Variants in CPD observed in about 807,000 individuals in gnomAD.
CPD encodes the protein carboxypeptidase D, also known as metallocarboxypeptidase D.
CPD carries 69 observed loss-of-function variants against 138.3 expected under a neutral mutation model. The ratio of observed to expected loss-of-function variants is 0.50; its 90% CI spans 0.41 to 0.61. CPD has a LOEUF of 0.61. Ranked by LOEUF, CPD falls within the 20% of genes least tolerant of loss-of-function variation. CPD has a pLI of 0.00. For synonymous variants in CPD, 651 were observed against 642.1 expected, an observed-to-expected ratio of 1.01 and a Z score of -0.21; for missense variants, 1,432 against 1,733.3, an observed-to-expected ratio of 0.83 and a Z score of 3.09.
At chr17:30,387,794 G>A (rs555973024) in intron 2 of CPD, among the ~76,000 whole-genome samples, 34 of 152,226 alleles carry the variant, frequency 2.2e-4, no homozygotes, top group South Asian at 2.1e-4. Context: ...TAATACTTTC[G>A]TTACTGGATC....
chr17:30,426,041 A>T (rs922271189), intron 6 of CPD, among the ~76,000 whole-genome samples: 1 of 151,888 alleles, frequency 6.6e-6, no homozygotes, highest in African/African-American at 2.4e-5. Flanking sequence ...TCTACTAAAG[A>T]TACAAAAAAT....
chr17:30,458,218 A>G (rs916019158), intron 17 of CPD, among the ~76,000 whole-genome samples: 6 of 151,810 alleles, frequency 4.0e-5, no homozygotes, highest in African/African-American at 1.5e-4. Flanking sequence ...AACAAACAAA[A>G]CCCATTCTGG....
At position 30,467,991 on chromosome 17, in the gene CPD, A is replaced by G. The variant is rs1055581028; in HGVS notation, c.*3177A>G. Reference sequence around the variant, plus strand: ...TATGATTGATGTTCAGTGATTTTCTATAGCAACTTTTTTGGTAACTCTTTG... The same window carrying G: ...TATGATTGATGTTCAGTGATTTTCTGTAGCAACTTTTTTGGTAACTCTTTG... On this transcript the variant is annotated 3_prime_UTR_variant, in exon 21 of 21. Transcript: ENST00000225719. 2.0e-5 allele frequency: 3 copies of G among 152,150 alleles called. No individual in the cohort carries two copies. The highest frequency in any genetic ancestry group is 4.4e-5 in the Non-Finnish European group (3 of 67,974). 9.4% of individuals were successfully genotyped at this position (152,150 alleles called of 1,614,324 possible).
intron 2 of CPD, among the ~76,000 whole-genome samples, chr17:30,410,126 T>C (rs902000466): frequency 6.6e-6 from 1 of 152,232 alleles, no homozygotes; most frequent in Non-Finnish European, 1.5e-5. Flanking sequence ...CCAGTAGTCA[T>C]TCAGGAGTAG....
rs375434090 is a variant in CPD at position 30,380,501 on chromosome 17, G to T, written c.746+775G>T. ...TCATTTGTGCACCTTATTAGCCTGG[G>T]CAGAATGGCTAATGGTCACACTTCT... On this transcript the variant is annotated intron_variant, in intron 1 of 20. Coordinates refer to ENST00000225719, the MANE Select transcript of CPD (RefSeq NM_001304.5). The T allele has an allele frequency of 2.0e-4, 265 of 1,355,300 alleles. 4 individuals are homozygous for T. In the East Asian group the frequency reaches 5.0e-3, roughly 26 times the overall value. 84.0% of individuals were successfully genotyped at this position (1,355,300 alleles called of 1,614,324 possible).
chr17:30,450,618 G>A (rs945030923), intron 13 of CPD, among the ~76,000 whole-genome samples: 4 of 152,316 alleles, frequency 2.6e-5, no homozygotes, highest in Non-Finnish European at 5.9e-5. Flanking sequence ...CAACACTTCA[G>A]GGGGCTGAAG....
chr17:30,394,892 CATGTGTGT>C (rs1321871213), intron 2 of CPD, among the ~76,000 whole-genome samples: 2 of 120,994 alleles, frequency 1.7e-5, no homozygotes, highest in Admixed American at 8.5e-5. Context: ...AGCGAGTGAG[CATGTGTGT>C]ATGTGTGTGT....
chr17:30,419,044 G>A (rs1276279487), intron 2 of CPD, among the ~76,000 whole-genome samples: 1 of 152,110 alleles, frequency 6.6e-6, no homozygotes, highest in African/African-American at 2.4e-5. Flanking sequence ...CGTTAGGTAA[G>A]GTGTGCATAT....
chr17:30,391,323 C>T (rs1368111882), intron 2 of CPD, among the ~76,000 whole-genome samples: 2 of 152,044 alleles, frequency 1.3e-5, no homozygotes, highest in African/African-American at 4.8e-5. Flanking sequence ...TGCTTGTAGT[C>T]GCAGATACTT....
At chr17:30,410,803 CTT>C (rs1163575036) in intron 2 of CPD, among the ~76,000 whole-genome samples, 3 of 152,262 alleles carry the variant, frequency 2.0e-5, no homozygotes, top group Admixed American at 6.5e-5. Context: ...GGTCTTGACT[CTT>C]TATCCAGTTT....
At chr17:30,405,732 A>C (rs1911785913) in intron 2 of CPD, among the ~76,000 whole-genome samples, 1 of 152,040 alleles carries the variant, frequency 6.6e-6, no homozygotes, top group Non-Finnish European at 1.5e-5. Context: ...TCCCCTCTTA[A>C]ACCACTCTTA....
intron 2 of CPD, among the ~76,000 whole-genome samples, chr17:30,401,236 C>T (rs1416765201): frequency 7.7e-6 from 1 of 129,864 alleles, no homozygotes; most frequent in African/African-American, 2.7e-5. Flanking sequence ...TCTTCTGCTT[C>T]TGCTGCTGCT....
chr17:30,387,638 T>A (rs2143310478), intron 2 of CPD, among the ~76,000 whole-genome samples: 1 of 152,342 alleles, frequency 6.6e-6, no homozygotes, highest in African/African-American at 2.4e-5. Flanking sequence ...ATGAAATGCC[T>A]TAGGTCTTCC....
At position 30,464,677 on chromosome 17, in the gene CPD, C is replaced by T. The variant is rs748735950; in HGVS notation, c.4006C>T (p.Arg1336Trp). ...KSNRHKDGFH[R>W]LRQHHDEYED... ...TAATAGACACAAGGATGGCTTTCAT[C>T]GGCTCAGGCAGCATCATGATGAGTA... The change falls in exon 21 of 21, where the codon CGG (arginine) becomes TGG (tryptophan). Residue 1336 changes from arginine to tryptophan, a missense_variant. Arg to Trp is a moderately radical substitution (Grantham distance 101, BLOSUM62 -3). Transcript: ENST00000225719. 19 of 1,613,830 alleles carry T rather than the reference C, an allele frequency of 1.2e-5. No homozygotes were observed. The highest frequency in any genetic ancestry group is 7.7e-5 in the South Asian group (7 of 91,084).
intron 2 of CPD, among the ~76,000 whole-genome samples, chr17:30,399,304 G>T (rs779652707): frequency 1.9e-4 from 29 of 152,036 alleles, no homozygotes; most frequent in Admixed American, 8.5e-4. Context: ...GTTGGGTGGG[G>T]TATAGTATAA....
intron 2 of CPD, among the ~76,000 whole-genome samples, chr17:30,394,116 CTTTTTTTTTTTTTTTTTTTT>C (rs35779169): frequency 7.3e-5 from 3 of 40,834 alleles, no homozygotes; most frequent in Non-Finnish European, 1.3e-4. Context: ...GCACTCCAGC[CTTTTTTTTTTTTTTTTTTTT>C]TTTTTTTTTG....
Position 30,378,940 on chromosome 17 carries a change from A to C in CPD, c.-41A>C. 1 of 1,417,192 alleles carries C rather than the reference A, an allele frequency of 7.1e-7. No homozygotes were observed. The highest frequency in any genetic ancestry group is 1.5e-5 in the African/African-American group (1 of 65,896). The allele number at this position is 1,417,192 out of a possible 1,614,324, so 87.8% of individuals were successfully genotyped here. On this transcript the variant is annotated 5_prime_UTR_variant, in exon 1 of 21. Transcript: ENST00000225719. ...CGGGCCCCCGCCGCCCGGAGCGCTGAGCCGCGGGAGCGGAGCCGGGGTTAG... is the reference window on the plus strand; with the variant it reads ...CGGGCCCCCGCCGCCCGGAGCGCTGCGCCGCGGGAGCGGAGCCGGGGTTAG...
intron 6 of CPD, among the ~76,000 whole-genome samples, chr17:30,426,541 G>A (rs897009250): frequency 2.6e-5 from 4 of 152,324 alleles, no homozygotes; most frequent in Middle Eastern, 3.4e-3. Context: ...TCCAGGTGAC[G>A]TCAGCTGGTT....
chr17:30,378,937 C>T lies in CPD; in HGVS notation c.-44C>T. On this transcript the variant is annotated 5_prime_UTR_variant, in exon 1 of 21. Transcript: ENST00000225719. ...CGGCGGGCCCCCGCCGCCCGGAGCG[C>T]TGAGCCGCGGGAGCGGAGCCGGGGT... The T allele has an allele frequency of 1.4e-6, 2 of 1,414,906 alleles. No individual in the cohort carries two copies. Among genetic ancestry groups the T allele is most frequent in the Middle Eastern group, 2.6e-4 (1 of 3,912 alleles). 87.6% of individuals were successfully genotyped at this position (1,414,906 alleles called of 1,614,324 possible). A position where few individuals can be genotyped will look rare whatever the true frequency, so the allele number is the denominator to read the frequency against.
Sources: allele counts gnomAD v4.1 joint callset (sites outside exome capture counted in the v4.1 genomes callset), GRCh38; gene constraint gnomAD v4.1.1; transcripts MANE v1.5; gene names NCBI Gene and HGNC (gene_info 2026-07-23, HGNC 2026-07-21).